The following ANKRD30B variants were observed in gnomAD, a reference collection of about 807,000 sequenced individuals.
The protein encoded by ANKRD30B is ankyrin repeat domain-containing protein 30B.
In ANKRD30B, 144 loss-of-function variants were observed where a neutral mutation model predicts 202.2. The ratio of observed to expected loss-of-function variants is 0.71; its 90% CI spans 0.62 to 0.82. ANKRD30B has a LOEUF of 0.82. ANKRD30B is among the 40% of genes least tolerant of loss of function. ANKRD30B has a pLI of 0.00. For missense variants in ANKRD30B, 1,487 were observed against 1,669.1 expected (o/e 0.89, Z 1.90); for synonymous variants, 508 against 561.3 (o/e 0.91, Z 1.34).
intron 33 of ANKRD30B, among the ~76,000 whole-genome samples, chr18:14,831,177 C>T (rs1181369481): frequency 3.7e-5 from 1 of 26,878 alleles, no homozygotes; most frequent in Admixed American, 3.1e-4. Context: ...GAGACTCCGT[C>T]TCGGAAAAAA....
chr18:14,859,917 T>C, the ANKRD30B span, among the ~76,000 whole-genome samples: 1 of 107,348 alleles, frequency 9.3e-6, no homozygotes, highest in Non-Finnish European at 1.9e-5. Context: ...ACTCCTCACC[T>C]ACCAGATGAT....
chr18:14,925,054 T>C, the ANKRD30B span, among the ~76,000 whole-genome samples: 17 of 152,224 alleles, frequency 1.1e-4, no homozygotes, highest in African/African-American at 3.6e-4. Context: ...ATGTAGCCCA[T>C]GCAGTGAGAG....
intron 33 of ANKRD30B, among the ~76,000 whole-genome samples, chr18:14,829,949 G>A (rs1445050088): frequency 2.6e-5 from 4 of 152,104 alleles, no homozygotes; most frequent in Admixed American, 2.6e-4. Flanking sequence ...AGCCTCTGAT[G>A]TCCTACCCAT....
At chr18:14,826,693 T>TCTCTCTCTCACACA (rs762792279) in intron 32 of ANKRD30B, among the ~76,000 whole-genome samples, 5 of 125,044 alleles carry the variant, frequency 4.0e-5, no homozygotes, top group African/African-American at 1.5e-4. Flanking sequence ...TCTCTCTCTC[T>TCTCTCTCTCACACA]CACACACACA....
At chr18:14,842,811 G>A (rs550562583) in intron 37 of ANKRD30B, 86 bp from the exon 38 acceptor site, 3 of 1,301,682 alleles carry the variant, frequency 2.3e-6, no homozygotes, top group East Asian at 2.6e-5. Flanking sequence ...CTGAGAAAAA[G>A]GACTTAGATA....
intron 22 of ANKRD30B, 132 bp downstream of exon 22, chr18:14,799,427 C>T (rs1969167448): frequency 2.1e-6 from 2 of 943,164 alleles, no homozygotes; most frequent in South Asian, 2.1e-5. Flanking sequence ...ATAATGGCAA[C>T]ATTAGTATTC....
chr18:14,798,254 G>A (rs973389427), intron 20 of ANKRD30B, among the ~76,000 whole-genome samples: 1 of 151,082 alleles, frequency 6.6e-6, no homozygotes, highest in African/African-American at 2.4e-5. Flanking sequence ...AGTGAGGGTG[G>A]GGGTGGGTTA....
intron 9 of ANKRD30B, among the ~76,000 whole-genome samples, chr18:14,774,951 C>G (rs1777149950): frequency 6.6e-6 from 1 of 152,026 alleles, no homozygotes; most frequent in Non-Finnish European, 1.5e-5. Context: ...CAAGGTGAAA[C>G]CCCATCTCTA....
intron 30 of ANKRD30B, among the ~76,000 whole-genome samples, chr18:14,821,859 C>T (rs1176715275): frequency 2.0e-5 from 3 of 152,186 alleles, no homozygotes; most frequent in East Asian, 1.9e-4. Flanking sequence ...TAAAAATACT[C>T]GTATTTCACA....
Position 14,778,425 on chromosome 18 carries a change from A to G in ANKRD30B, c.1420+350A>G, listed in dbSNP as rs144354147. Among the ~76,000 whole-genome samples, 832 of 152,340 alleles carry G rather than the reference A, an allele frequency of 5.5e-3. 10 individuals carry two copies. Among genetic ancestry groups the G allele is most frequent in the African/African-American group, 0.019 (792 of 41,582 alleles). On this transcript the variant is annotated intron_variant, in intron 10 of 43. Transcript: ENST00000690538. ...AAATAAAATAATTCTTTAGCGAAAG[A>G]TAAGGCATGATTAGAAAGTTTTGAA...
the ANKRD30B span, among the ~76,000 whole-genome samples, chr18:14,875,667 G>C: frequency 6.6e-6 from 1 of 152,128 alleles, no homozygotes; most frequent in Non-Finnish European, 1.5e-5. Flanking sequence ...ATTTTCTCTT[G>C]GTCATTAGGG....
Position 14,764,085 on chromosome 18 carries a change from C to T in ANKRD30B, c.1220C>T (p.Thr407Ile). 2.0e-6 allele frequency: 3 copies of T among 1,515,862 alleles called. No homozygotes were observed. Among genetic ancestry groups the T allele is most frequent in the Non-Finnish European group, 2.6e-6 (3 of 1,138,372 alleles). The allele number at this position is 1,515,862 out of a possible 1,614,324, so 93.9% of individuals were successfully genotyped here. A position where few individuals can be genotyped will look rare whatever the true frequency, so the allele number is the denominator to read the frequency against. ...PTKETSTKAS[T>I]NVDVSSVEPI... is the part of the protein sequence containing the mutation. ...AAAGAAACATCTACAAAAGCAAGTA[C>T]AAATGGTAAGATGCTTGAGTGAACT... is the stretch of plus-strand genomic sequence containing the variant. The change falls in exon 7 of 44, where the codon ACA (threonine) becomes ATA (isoleucine). Residue 407 changes from threonine (T) to isoleucine (I), a missense_variant. By Grantham distance (89) the Thr-to-Ile change is moderately conservative. Around this residue, in one of 6 missense-constraint regions of ANKRD30B, gnomAD observed 889 missense variants for 841.4 expected, o/e 1.06. Coordinates refer to ENST00000690538, the MANE Select transcript of ANKRD30B (RefSeq NM_001367607.2).
chr18:14,824,079 TTGTACAC>T (rs1350211064), intron 32 of ANKRD30B, among the ~76,000 whole-genome samples: 3 of 150,154 alleles, frequency 2.0e-5, no homozygotes, highest in Non-Finnish European at 4.4e-5. Flanking sequence ...CAATAAATAG[TTGTACAC>T]TGTACATATT....
rs540117119 is a variant in ANKRD30B, at chr18:14,837,231, A to G, written c.2868A>G (p.Val956=). ...LTTKEGATKT[V]TGQQERDIGI... is the part of the protein sequence containing the mutation. ...AATAGGAGGGAGCAACAAAGACAGT[A>G]ACTGGACAACAGGAACGTGATATTG... Residue 956 remains valine (V), a synonymous_variant, in exon 35 of 44, where the codon GTA becomes GTG. Coordinates refer to ENST00000690538, the MANE Select transcript of ANKRD30B (RefSeq NM_001367607.2). 8.3e-5 allele frequency: 128 copies of G among 1,548,306 alleles called. 3 individuals carry two copies. The South Asian group carries it at 1.4e-3, about 17-fold the overall frequency.
chr18:14,898,683 C>T, the ANKRD30B span, among the ~76,000 whole-genome samples: 1 of 152,148 alleles, frequency 6.6e-6, no homozygotes, highest in East Asian at 1.9e-4. Flanking sequence ...CATTGATTTA[C>T]CTGTCTGTCA....
At chr18:14,905,765 A>G in the ANKRD30B span, 17 of 152,294 alleles carry the variant, frequency 1.1e-4, no homozygotes, top group African/African-American at 3.9e-4. Context: ...AAGTGTGTTA[A>G]TTTCTTTCAG....
At chr18:14,932,847 C>T in the ANKRD30B span, among the ~76,000 whole-genome samples, 1 of 152,180 alleles carries the variant, frequency 6.6e-6, no homozygotes, top group African/African-American at 2.4e-5. Flanking sequence ...GCTGGGAGGA[C>T]AGATTGCTTC....
chr18:14,828,194 C>T (rs1183926265), intron 32 of ANKRD30B, 84 bp from the exon 33 acceptor site: 28 of 1,007,790 alleles, frequency 2.8e-5, no homozygotes, highest in Non-Finnish European at 4.0e-5. Flanking sequence ...AGGCATGTGC[C>T]ATCGTGCCCT....
chr18:14,853,490 A>G (rs573560056), intron 42 of ANKRD30B, among the ~76,000 whole-genome samples: 110 of 151,938 alleles, frequency 7.2e-4, no homozygotes, highest in African/African-American at 2.6e-3. Context: ...AATACAGAAG[A>G]AGGAAAGAAT....
Sources: gnomAD v4.1 joint callset for allele counts (sites outside exome capture counted in the v4.1 genomes callset) on GRCh38, gnomAD v4.1.1 for gene constraint, gnomAD v4.1.1 regional missense constraint, MANE v1.5 for transcripts, NCBI Gene and HGNC (gene_info 2026-07-23, HGNC 2026-07-21) for gene names.